Variants in NAALADL2 observed in about 807,000 individuals in gnomAD.
The protein encoded by NAALADL2 is inactive N-acetylated-alpha-linked acidic dipeptidase-like protein 2.
A neutral mutation model predicts 87.2 loss-of-function variants in NAALADL2; 76 were observed. The ratio of observed to expected loss-of-function variants is 0.87; its 90% CI spans 0.72 to 1.05. NAALADL2 has a LOEUF of 1.05. Ranked by LOEUF, NAALADL2 falls within the 50% of genes least tolerant of loss-of-function variation. The probability of loss-of-function intolerance (pLI) is 0.00; values close to 1 mark genes in which losing one functional copy is unlikely to be tolerated. For missense variants in NAALADL2, 1,089 were observed against 945.8 expected (o/e 1.15, Z -1.99); for synonymous variants, 354 against 331.0 (o/e 1.07, Z -0.75).
chr3:175,013,101 T>TGTAA lies in NAALADL2; in HGVS notation c.44-83689_44-83688insGTAA, dbSNP rs1553916709. ...TGTAATACATATTTATATATAAATA[T>TGTAA]ACATATTTATATATAAATATACATA... On this transcript the variant is annotated intron_variant, in intron 1 of 13. Coordinates refer to ENST00000454872, the MANE Select transcript of NAALADL2 (RefSeq NM_207015.3). Among the ~76,000 whole-genome samples, 5 of 58,594 alleles carry TGTAA rather than the reference T, an allele frequency of 8.5e-5. 1 individual carries two copies. The highest frequency in any genetic ancestry group is 1.8e-4 in the African/African-American group (1 of 5,612). The allele number at this position is 58,594 out of a possible 152,430, so 38.4% of individuals were successfully genotyped here.
intron 2 of NAALADL2, among the ~76,000 whole-genome samples, chr3:174,558,044 C>T (rs2108505618): frequency 6.6e-6 from 1 of 152,256 alleles, no homozygotes; most frequent in East Asian, 1.9e-4. Flanking sequence ...ATTCCAGACT[C>T]TCAGAAGAAA....
intron 1 of NAALADL2, among the ~76,000 whole-genome samples, chr3:174,885,801 T>G (rs767798040): frequency 7.1e-6 from 1 of 140,492 alleles, no homozygotes; most frequent in Non-Finnish European, 1.5e-5. Flanking sequence ...GCATAAAAAT[T>G]AAGTATTAAC....
chr3:175,340,871 G>A (rs912954016), intron 5 of NAALADL2, among the ~76,000 whole-genome samples: 1 of 152,156 alleles, frequency 6.6e-6, no homozygotes, highest in African/African-American at 2.4e-5. Context: ...CAGAAGGACA[G>A]AGATACATAG....
intron 1 of NAALADL2, among the ~76,000 whole-genome samples, chr3:174,520,990 C>G (rs1720240633): frequency 6.6e-6 from 1 of 151,950 alleles, no homozygotes; most frequent in Admixed American, 6.6e-5. Flanking sequence ...TTTAGAATGG[C>G]TACTATTAAA....
At chr3:174,892,616 C>A (rs1270033869) in intron 1 of NAALADL2, among the ~76,000 whole-genome samples, 1 of 151,962 alleles carries the variant, frequency 6.6e-6, no homozygotes, top group African/African-American at 2.4e-5. Context: ...AGAAAAATAT[C>A]AATATCCAAT....
chr3:175,181,735 G>GTATATATATGTT (rs1560129002), intron 2 of NAALADL2, among the ~76,000 whole-genome samples: 1 of 64,706 alleles, frequency 1.5e-5, no homozygotes, highest in Non-Finnish European at 3.3e-5. Context: ...ATGTATATAT[G>GTATATATATGTT]TGTATATATG....
chr3:175,621,052 T>C (rs1334277541), intron 10 of NAALADL2, among the ~76,000 whole-genome samples: 1 of 152,146 alleles, frequency 6.6e-6, no homozygotes, highest in African/African-American at 2.4e-5. Flanking sequence ...AAAGCATTAT[T>C]CGGAAACGAC....
At chr3:175,621,995 T>C (rs1726298454) in intron 10 of NAALADL2, among the ~76,000 whole-genome samples, 1 of 152,200 alleles carries the variant, frequency 6.6e-6, no homozygotes, top group African/African-American at 2.4e-5. Context: ...TGTTTCAGTT[T>C]CCTATTATTG....
chr3:174,486,908 A>C (rs1717891327), intron 1 of NAALADL2, among the ~76,000 whole-genome samples: 1 of 152,036 alleles, frequency 6.6e-6, no homozygotes, highest in Non-Finnish European at 1.5e-5. Flanking sequence ...AGGTTTATCC[A>C]TGTGGCCTAA....
chr3:174,998,339 T>G (rs1747806401), intron 1 of NAALADL2, among the ~76,000 whole-genome samples: 1 of 152,224 alleles, frequency 6.6e-6, no homozygotes, highest in Non-Finnish European at 1.5e-5. Flanking sequence ...TATCTGGTTT[T>G]ATTGTAAGCC....
chr3:175,370,045 G>A (rs113856194), intron 5 of NAALADL2, among the ~76,000 whole-genome samples: 3 of 152,200 alleles, frequency 2.0e-5, no homozygotes, highest in African/African-American at 7.2e-5. Context: ...TGTCATCTGA[G>A]AGCTGCTTGT....
At chr3:175,313,265 C>G (rs1758614598) in intron 4 of NAALADL2, among the ~76,000 whole-genome samples, 1 of 152,066 alleles carries the variant, frequency 6.6e-6, no homozygotes, top group Non-Finnish European at 1.5e-5. Flanking sequence ...TACTAGATGT[C>G]AGGACTTCAA....
rs3040504 is a variant in NAALADL2, at chr3:175,481,335, C to CTGTGTGTGTGTGTG, written c.1653+9595_1653+9608dup. Among the ~76,000 whole-genome samples, 1,150 of 143,974 alleles carry CTGTGTGTGTGTGTG rather than the reference C, an allele frequency of 8.0e-3. 10 individuals carry two copies. The highest frequency in any genetic ancestry group is 0.028 in the African/African-American group (1,086 of 39,162). The allele number at this position is 143,974 out of a possible 152,430, so 94.5% of individuals were successfully genotyped here. A position where few individuals can be genotyped will look rare whatever the true frequency, so the allele number is the denominator to read the frequency against. On this transcript the variant is annotated intron_variant, in intron 9 of 13. Coordinates refer to ENST00000454872, the MANE Select transcript of NAALADL2 (RefSeq NM_207015.3). ...TTCTTTGTCATTACTAACAATGCCA[C>CTGTGTGTGTGTGTG]TGTGTGTGTGTGTGTGTGTGTGTGT... is the stretch of plus-strand genomic sequence containing the variant.
chr3:174,466,825 C>T (rs1716560140), intron 1 of NAALADL2, among the ~76,000 whole-genome samples: 1 of 152,142 alleles, frequency 6.6e-6, no homozygotes, highest in Admixed American at 6.5e-5. Context: ...ATACACGAGA[C>T]ATTTGTTTAC....
At chr3:175,401,320 C>T (rs915426270) in intron 5 of NAALADL2, among the ~76,000 whole-genome samples, 2 of 152,084 alleles carry the variant, frequency 1.3e-5, no homozygotes, top group African/African-American at 4.8e-5. Flanking sequence ...GAGACATTTA[C>T]TAGTACATGG....
At position 175,557,406 on chromosome 3, in the gene NAALADL2, T is replaced by G. The variant is rs116444184; in HGVS notation, c.1654-18635T>G. Among the ~76,000 whole-genome samples the G allele has an allele frequency of 7.9e-3, 1,207 of 152,316 alleles. 8 individuals carry two copies. Among genetic ancestry groups the G allele is most frequent in the Non-Finnish European group, 0.013 (912 of 68,028 alleles). On this transcript the variant is annotated intron_variant, in intron 9 of 13. Coordinates refer to ENST00000454872, the MANE Select transcript of NAALADL2 (RefSeq NM_207015.3). ...ATCCTTTGTGTTAAACACAATCCAA[T>G]TAAACTCTTTTAGTTATTATAAAAT...
At chr3:174,592,331 A>G (rs1477195660) in intron 2 of NAALADL2, among the ~76,000 whole-genome samples, 2 of 152,092 alleles carry the variant, frequency 1.3e-5, no homozygotes, top group Non-Finnish European at 2.9e-5. Flanking sequence ...AAACATGTGT[A>G]TGTCTCAAAA....
intron 13 of NAALADL2, among the ~76,000 whole-genome samples, chr3:175,774,534 T>C (rs1373883606): frequency 6.6e-6 from 1 of 151,932 alleles, no homozygotes; most frequent in Non-Finnish European, 1.5e-5. Flanking sequence ...AAAGTAGATA[T>C]AAGTAGTTAT....
intron 1 of NAALADL2, among the ~76,000 whole-genome samples, chr3:174,537,441 C>A (rs944624977): frequency 1.3e-5 from 2 of 152,122 alleles, no homozygotes; most frequent in African/African-American, 4.8e-5. Flanking sequence ...TTTGAAATAG[C>A]GTTTTAAGCA....
Sources: allele counts gnomAD v4.1 joint callset (sites outside exome capture counted in the v4.1 genomes callset), GRCh38; gene constraint gnomAD v4.1.1; transcripts MANE v1.5; gene names NCBI Gene and HGNC (gene_info 2026-07-23, HGNC 2026-07-21).